The following ASIC2 variants were observed in gnomAD, a reference collection of about 807,000 sequenced individuals.
ASIC2 encodes acid sensing ion channel subunit 2, also known as acid-sensing ion channel 2.
ASIC2 carries 25 observed loss-of-function variants against 57.3 expected under a neutral mutation model. That is an observed-to-expected ratio of 0.44 (90% CI 0.32 to 0.61). The LOEUF (loss-of-function observed/expected upper bound fraction) is 0.61. Among genes scored for constraint, ASIC2 ranks in the 20% least tolerant of loss-of-function variants. The probability of loss-of-function intolerance (pLI) is 0.06; values close to 1 mark genes in which losing one functional copy is unlikely to be tolerated. For missense variants in ASIC2, 641 were observed against 738.1 expected (o/e 0.87, Z 1.52); for synonymous variants, 319 against 307.5 (o/e 1.04, Z -0.39).
intron 1 of ASIC2, among the ~76,000 whole-genome samples, chr17:33,117,234 A>G (rs1310562908): frequency 6.6e-6 from 1 of 151,780 alleles, no homozygotes; most frequent in African/African-American, 2.4e-5. Context: ...GTTCAGTGGC[A>G]TGATCTCGGC....
At chr17:33,843,109 C>T (rs1347172086) in intron 1 of ASIC2, among the ~76,000 whole-genome samples, 1 of 152,212 alleles carries the variant, frequency 6.6e-6, no homozygotes. Flanking sequence ...GCTTTATTTT[C>T]ATCATTGCAC....
intron 2 of ASIC2, among the ~76,000 whole-genome samples, chr17:33,101,941 T>C (rs1269340818): frequency 6.6e-6 from 1 of 152,080 alleles, no homozygotes. Context: ...AATCCCAGAC[T>C]CTATGGCAGA....
intron 1 of ASIC2, among the ~76,000 whole-genome samples, chr17:33,306,288 C>A (rs1906169699): frequency 6.6e-6 from 1 of 152,176 alleles, no homozygotes; most frequent in Non-Finnish European, 1.5e-5. Context: ...ATGTCAGAAG[C>A]TAATGTGTCC....
chr17:33,195,068 G>A (rs1371269564), intron 1 of ASIC2, among the ~76,000 whole-genome samples: 2 of 152,182 alleles, frequency 1.3e-5, no homozygotes, highest in African/African-American at 4.8e-5. Flanking sequence ...GCTAAGTCGG[G>A]CTCCTGGCTT....
chr17:33,074,981 T>A (rs1473453193), intron 3 of ASIC2, among the ~76,000 whole-genome samples: 1 of 152,202 alleles, frequency 6.6e-6, no homozygotes, highest in Non-Finnish European at 1.5e-5. Context: ...TTATGATTCC[T>A]TGAAAGTCTT....
intron 1 of ASIC2, among the ~76,000 whole-genome samples, chr17:33,822,006 G>T (rs1184109069): frequency 1.3e-5 from 2 of 152,138 alleles, no homozygotes; most frequent in Admixed American, 6.5e-5. Flanking sequence ...GATACGAACT[G>T]GTTGGAATCT....
At chr17:34,149,887 G>T (rs1235702733) in intron 1 of ASIC2, among the ~76,000 whole-genome samples, 1 of 152,064 alleles carries the variant, frequency 6.6e-6, no homozygotes, top group African/African-American at 2.4e-5. Flanking sequence ...CCCACTACTG[G>T]GTATATATCC....
chr17:33,442,569 T>C (rs1911861853), intron 1 of ASIC2, among the ~76,000 whole-genome samples: 1 of 152,210 alleles, frequency 6.6e-6, no homozygotes, highest in South Asian at 2.1e-4. Flanking sequence ...GATTATTCAT[T>C]GCTAGCATAT....
chr17:33,984,980 TA>T (rs1360348986), intron 1 of ASIC2, among the ~76,000 whole-genome samples: 1 of 152,186 alleles, frequency 6.6e-6, no homozygotes. Flanking sequence ...AAAGACATTC[TA>T]AAAGGTGGAA....
chr17:34,119,847 C>T (rs1312260572), intron 1 of ASIC2, among the ~76,000 whole-genome samples: 1 of 152,056 alleles, frequency 6.6e-6, no homozygotes, highest in Non-Finnish European at 1.5e-5. Flanking sequence ...TTTTGAAGTC[C>T]CCCATGGTGC....
rs35619348 is a variant in ASIC2, at chr17:33,215,705, C to CTT, written c.708+75701_708+75702dup. Among the ~76,000 whole-genome samples, 203 of 141,446 alleles carry CTT rather than the reference C, an allele frequency of 1.4e-3. 2 individuals carry two copies. The highest frequency in any genetic ancestry group is 7.7e-3 in the Middle Eastern group (2 of 260). 92.8% of individuals were successfully genotyped at this position (141,446 alleles called of 152,430 possible). A position where few individuals can be genotyped will look rare whatever the true frequency, so the allele number is the denominator to read the frequency against. On this transcript the variant is annotated intron_variant, in intron 1 of 9. Transcript: ENST00000225823. Reference sequence around the variant, plus strand: ...CCAAATGTTTTAAATATACATGTGGCTTTTTTTTTTTTTTGAGACGGAGTC... The same window carrying CTT: ...CCAAATGTTTTAAATATACATGTGGCTTTTTTTTTTTTTTTTGAGACGGAGTC...
At position 33,023,159 on chromosome 17, in the gene ASIC2, G is replaced by A. The variant is rs536220283; in HGVS notation, c.1349+702C>T. The stretch of plus-strand genomic sequence containing the variant: ...GAATTCTAGGCAGAGGGAATAGAAC[G>A]TGCAAGGTCTGCCTGGAAAACTATA... On this transcript the variant is annotated intron_variant, in intron 6 of 9. Coordinates refer to ENST00000225823, the MANE Select transcript of ASIC2 (RefSeq NM_183377.2). Among the ~76,000 whole-genome samples, 11 of 152,216 alleles carry A rather than the reference G, an allele frequency of 7.2e-5. No homozygotes were observed. The South Asian group carries it at 2.3e-3, about 32-fold the overall frequency.
intron 1 of ASIC2, among the ~76,000 whole-genome samples, chr17:34,075,049 T>C (rs1301289631): frequency 6.6e-6 from 1 of 152,072 alleles, no homozygotes; most frequent in Non-Finnish European, 1.5e-5. Flanking sequence ...TCTCCCAAAG[T>C]GCTGGGATTA....
chr17:33,952,334 T>C (rs901498245), intron 1 of ASIC2, among the ~76,000 whole-genome samples: 1 of 152,218 alleles, frequency 6.6e-6, no homozygotes, highest in African/African-American at 2.4e-5. Context: ...GAGGATATGA[T>C]GTCTGGAACC....
chr17:33,631,768 C>T (rs1218972092), intron 1 of ASIC2, among the ~76,000 whole-genome samples: 2 of 152,114 alleles, frequency 1.3e-5, no homozygotes, highest in Admixed American at 1.3e-4. Flanking sequence ...AAATCTCCTT[C>T]CAGGGTGGAA....
chr17:33,880,878 C>T (rs1294920256), intron 1 of ASIC2, among the ~76,000 whole-genome samples: 3 of 151,948 alleles, frequency 2.0e-5, no homozygotes, highest in African/African-American at 4.8e-5. Context: ...ACTGGCAAAC[C>T]GAATCCAGCA....
chr17:33,827,169 A>G (rs924020853), intron 1 of ASIC2, among the ~76,000 whole-genome samples: 6 of 152,062 alleles, frequency 3.9e-5, no homozygotes, highest in African/African-American at 1.4e-4. Flanking sequence ...GGAATAAAAT[A>G]CAATCATTGA....
chr17:33,817,970 A>G (rs1490457162), intron 1 of ASIC2, among the ~76,000 whole-genome samples: 1 of 152,080 alleles, frequency 6.6e-6, no homozygotes, highest in Non-Finnish European at 1.5e-5. Context: ...GGGGTACCAC[A>G]TTTCTTGTAC....
chr17:33,543,225 A>G (rs1052972817), intron 1 of ASIC2, among the ~76,000 whole-genome samples: 5 of 151,506 alleles, frequency 3.3e-5, no homozygotes, highest in African/African-American at 1.2e-4. Context: ...AGCATGGCAC[A>G]TGTATACATA....
Sources: allele counts gnomAD v4.1 joint callset (sites outside exome capture counted in the v4.1 genomes callset), GRCh38; gene constraint gnomAD v4.1.1; transcripts MANE v1.5; gene names NCBI Gene and HGNC (gene_info 2026-07-23, HGNC 2026-07-21).